CHCT1: variants seen among roughly 807,000 people sequenced by gnomAD.
CHCT1 encodes the protein CHD1 helical C-terminal domain containing 1.
chr17:60,425,052 G>A, the CHCT1 span, among the ~76,000 whole-genome samples: 1 of 152,114 alleles, frequency 6.6e-6, no homozygotes, highest in Non-Finnish European at 1.5e-5. Context: ...ACCAAAGAAT[G>A]CAGTTTCCAC....
the CHCT1 span, among the ~76,000 whole-genome samples, chr17:60,424,828 A>C: frequency 6.6e-6 from 1 of 151,834 alleles, no homozygotes; most frequent in Non-Finnish European, 1.5e-5. Context: ...AGCCGAGATC[A>C]CACCACTGCA....
At chr17:60,424,856 G>A in the CHCT1 span, among the ~76,000 whole-genome samples, 3 of 151,588 alleles carry the variant, frequency 2.0e-5, no homozygotes, top group Admixed American at 2.0e-4. Flanking sequence ...CTGGGTGATA[G>A]AGTGAATAAA....
chr17:60,421,515 C>A, the CHCT1 span: 1 of 985,360 alleles, frequency 1.0e-6, no homozygotes, highest in Non-Finnish European at 1.2e-6. Flanking sequence ...GGGCCCGGGC[C>A]CAGAGGACAC....
the CHCT1 span, chr17:60,431,282 C>A: frequency 3.8e-6 from 6 of 1,570,950 alleles, no homozygotes; most frequent in East Asian, 2.3e-5. Context: ...CCAACTGGGA[C>A]AAAGGGCCCG....
chr17:60,427,159 T>C, the CHCT1 span, among the ~76,000 whole-genome samples: 8 of 152,164 alleles, frequency 5.3e-5, no homozygotes, highest in Admixed American at 2.0e-4. Context: ...CACTCCTCCT[T>C]GTGGAGCAGG....
At chr17:60,431,364 C>T in the CHCT1 span, 2 of 823,202 alleles carry the variant, frequency 2.4e-6, no homozygotes, top group Non-Finnish European at 3.8e-6. Context: ...CAAAAAGATT[C>T]TCAGGTCTTA....
the CHCT1 span, among the ~76,000 whole-genome samples, chr17:60,423,572 T>C: frequency 1.3e-5 from 2 of 152,306 alleles, no homozygotes; most frequent in African/African-American, 4.8e-5. Flanking sequence ...CCAGCAATTC[T>C]CCTGCCCCAG....
chr17:60,423,152 T>G, the CHCT1 span, among the ~76,000 whole-genome samples: 1 of 152,106 alleles, frequency 6.6e-6, no homozygotes. Flanking sequence ...TATTTCACAG[T>G]CACTTTGTTG....
At chr17:60,425,676 G>A in the CHCT1 span, 3 of 758,004 alleles carry the variant, frequency 4.0e-6, no homozygotes, top group Non-Finnish European at 4.5e-6. Flanking sequence ...GAAGGTCTGA[G>A]GGCAATGGAG....
the CHCT1 span, chr17:60,422,386 G>C: frequency 1.5e-6 from 2 of 1,319,892 alleles, no homozygotes; most frequent in Non-Finnish European, 2.0e-6. Flanking sequence ...CCCAGCTGGA[G>C]GGGCCAGCTG....
At chr17:60,424,800 G>T in the CHCT1 span, among the ~76,000 whole-genome samples, 11 of 150,676 alleles carry the variant, frequency 7.3e-5, no homozygotes, top group African/African-American at 2.7e-4. Context: ...TTGAACCCGG[G>T]AGGCCAAGGT....
the CHCT1 span, among the ~76,000 whole-genome samples, chr17:60,430,832 G>T: frequency 1.3e-5 from 2 of 152,224 alleles, no homozygotes; most frequent in Admixed American, 1.3e-4. Context: ...AAACAGTACT[G>T]GGAATTGGGT....
the CHCT1 span, among the ~76,000 whole-genome samples, chr17:60,429,157 C>A: frequency 6.6e-6 from 1 of 152,172 alleles, no homozygotes; most frequent in Non-Finnish European, 1.5e-5. Flanking sequence ...TAAAGGACAA[C>A]GCAGGAGGAC....
the CHCT1 span, among the ~76,000 whole-genome samples, chr17:60,430,698 C>T: frequency 6.6e-6 from 1 of 152,212 alleles, no homozygotes; most frequent in South Asian, 2.1e-4. Context: ...CCAGGCTGGT[C>T]TCAAACTCCT....
At chr17:60,425,375 G>A in the CHCT1 span, among the ~76,000 whole-genome samples, 14 of 152,102 alleles carry the variant, frequency 9.2e-5, no homozygotes, top group African/African-American at 4.8e-5. Context: ...TAGAGACCAG[G>A]TCTCACTATA....
At chr17:60,428,241 G>T in the CHCT1 span, among the ~76,000 whole-genome samples, 5 of 152,082 alleles carry the variant, frequency 3.3e-5, no homozygotes, top group African/African-American at 9.7e-5. Context: ...GTAATTTGTC[G>T]CAGTCTTTAT....
At chr17:60,426,331 G>C in the CHCT1 span, 2 of 1,550,822 alleles carry the variant, frequency 1.3e-6, no homozygotes, top group Non-Finnish European at 1.7e-6. Flanking sequence ...TCAAACACTG[G>C]AGAAAGTAGG....
chr17:60,426,934 A>G, the CHCT1 span: 1 of 1,507,392 alleles, frequency 6.6e-7, no homozygotes, highest in Non-Finnish European at 8.9e-7. Context: ...CCCAGGGCTC[A>G]CTGCCAGGGC....
chr17:60,425,755 C>T, the CHCT1 span: 19 of 1,511,908 alleles, frequency 1.3e-5, no homozygotes, highest in Admixed American at 3.9e-5. Flanking sequence ...TCCAATCCCC[C>T]GGCTTAGTGC....
Sources: allele counts gnomAD v4.1 joint callset (sites outside exome capture counted in the v4.1 genomes callset), GRCh38; gene constraint gnomAD v4.1.1; transcripts MANE v1.5; gene names NCBI Gene and HGNC (gene_info 2026-07-23, HGNC 2026-07-21).